The following INSR variants were observed in gnomAD, a reference collection of about 807,000 sequenced individuals.
The protein encoded by INSR is insulin receptor, also known as IR.
A neutral mutation model predicts 142.6 loss-of-function variants in INSR; 67 were observed. The ratio of observed to expected loss-of-function variants is 0.47; its 90% CI spans 0.39 to 0.58. INSR has a LOEUF of 0.58. Ranked by LOEUF, INSR falls within the 20% of genes least tolerant of loss-of-function variation. INSR has a pLI of 0.00. For synonymous variants in INSR, 756 were observed against 743.1 expected (o/e 1.02, Z -0.28); for missense variants, 1,248 against 1,833.2 (o/e 0.68, Z 5.83).
intron 2 of INSR, among the ~76,000 whole-genome samples, chr19:7,250,696 A>T (rs532239432): frequency 1.4e-5 from 2 of 140,554 alleles, no homozygotes; most frequent in East Asian, 4.6e-4. Flanking sequence ...AAAGAAAAAG[A>T]AAAAAAATCA....
intron 14 of INSR, among the ~76,000 whole-genome samples, chr19:7,130,461 G>A (rs1261446312): frequency 1.3e-5 from 2 of 152,224 alleles, no homozygotes; most frequent in African/African-American, 2.4e-5. Flanking sequence ...CCCAATGTTG[G>A]AGGAGTGGCC....
chr19:7,293,719 C>A, intron 1 of INSR, 73 bp downstream of exon 1: 1 of 1,213,034 alleles, frequency 8.2e-7, no homozygotes, highest in Non-Finnish European at 1.0e-6. Flanking sequence ...CAAGCGGGGG[C>A]TCGATTTTGG....
chr19:7,153,935 C>T (rs1051943331), intron 9 of INSR, among the ~76,000 whole-genome samples: 17 of 152,158 alleles, frequency 1.1e-4, no homozygotes, highest in Non-Finnish European at 2.4e-4. Flanking sequence ...CTGAGGTAGG[C>T]AGACCACCTG....
intron 2 of INSR, among the ~76,000 whole-genome samples, chr19:7,197,519 G>C (rs1260489894): frequency 1.6e-5 from 2 of 124,422 alleles, no homozygotes; most frequent in Admixed American, 1.5e-4. Flanking sequence ...GAGTGGGGGT[G>C]TGTGTGTGTG....
chr19:7,293,916 C>G lies in INSR; in HGVS notation c.-25G>C. 8.4e-7 allele frequency: 1 copy of G among 1,188,400 alleles called. No individual in the cohort carries two copies. 73.6% of individuals were successfully genotyped at this position (1,188,400 alleles called of 1,614,324 possible). A position where few individuals can be genotyped will look rare whatever the true frequency, so the allele number is the denominator to read the frequency against. ...TGGCTGCGGGAGCGCGGGGTCTCCTCGGATCAGAGCGCGCGGCGCTGGCCC... is the reference window on the plus strand; with the variant it reads ...TGGCTGCGGGAGCGCGGGGTCTCCTGGGATCAGAGCGCGCGGCGCTGGCCC... On this transcript the variant is annotated 5_prime_UTR_variant, in exon 1 of 22. Transcript: ENST00000302850.
At chr19:7,289,053 A>G (rs1169004148) in intron 1 of INSR, among the ~76,000 whole-genome samples, 2 of 152,002 alleles carry the variant, frequency 1.3e-5, no homozygotes, top group African/African-American at 4.8e-5. Flanking sequence ...AGGAGAAGAG[A>G]ACAGTAAAAC....
rs192988588 is a variant in INSR at position 7,286,051 on chromosome 19, C to G, written c.100+7741G>C. Among the ~76,000 whole-genome samples, 1,511 of 152,264 alleles carry G rather than the reference C, an allele frequency of 9.9e-3. 22 individuals carry two copies. Among genetic ancestry groups the G allele is most frequent in the African/African-American group, 0.034 (1,415 of 41,518 alleles). On this transcript the variant is annotated intron_variant, in intron 1 of 21. Coordinates refer to ENST00000302850, the MANE Select transcript of INSR (RefSeq NM_000208.4). ...GCTGGATGCAGTGGTGCAATCACAG[C>G]TCACTGGCGCCTCGACTTCCCAGGC...
At chr19:7,240,103 C>T (rs1255394059) in intron 2 of INSR, among the ~76,000 whole-genome samples, 6 of 152,080 alleles carry the variant, frequency 3.9e-5, no homozygotes, top group African/African-American at 1.4e-4. Context: ...GCTTTACGTG[C>T]AAAATACACA....
At chr19:7,204,851 C>T (rs146784817) in intron 2 of INSR, among the ~76,000 whole-genome samples, 3,106 of 152,260 alleles carry the variant, frequency 0.02, 103 homozygotes, top group African/African-American at 0.064. Context: ...GAGGCCGAGG[C>T]GGGCAGAGCA....
chr19:7,260,987 A>T (rs1324373048), intron 2 of INSR, among the ~76,000 whole-genome samples: 1 of 151,304 alleles, frequency 6.6e-6, no homozygotes, highest in African/African-American at 2.4e-5. Flanking sequence ...CCCGGGGCCC[A>T]TGCGATCCTC....
At chr19:7,243,491 C>T (rs1258611328) in intron 2 of INSR, among the ~76,000 whole-genome samples, 1 of 152,060 alleles carries the variant, frequency 6.6e-6, no homozygotes, top group Non-Finnish European at 1.5e-5. Flanking sequence ...AGTGATCTAC[C>T]TGCCTCAGCC....
chr19:7,255,935 C>T (rs577368377), intron 2 of INSR, among the ~76,000 whole-genome samples: 19 of 152,014 alleles, frequency 1.2e-4, no homozygotes, highest in Admixed American at 2.0e-4. Context: ...TCTGCCACTC[C>T]AATCTGGAAC....
intron 2 of INSR, among the ~76,000 whole-genome samples, chr19:7,220,528 A>T (rs1405223707): frequency 6.6e-6 from 1 of 152,086 alleles, no homozygotes. Context: ...ACCTCAGGTG[A>T]TCCTCCCGCC....
At chr19:7,278,596 C>A (rs1242046404) in intron 1 of INSR, among the ~76,000 whole-genome samples, 1 of 152,216 alleles carries the variant, frequency 6.6e-6, no homozygotes, top group African/African-American at 2.4e-5. Context: ...CAGTGGCTCA[C>A]GCCTGTAATC....
intron 3 of INSR, 70 bp downstream of exon 3, chr19:7,184,246 G>C: frequency 7.3e-7 from 1 of 1,364,896 alleles, no homozygotes; most frequent in Non-Finnish European, 1.0e-6. Context: ...TTTAACAAGC[G>C]GCATCGTCAC....
At chr19:7,179,870 T>C (rs773152210) in intron 3 of INSR, among the ~76,000 whole-genome samples, 3 of 152,144 alleles carry the variant, frequency 2.0e-5, no homozygotes, top group Admixed American at 1.3e-4. Flanking sequence ...GTGGAGTCTA[T>C]GTTCCCACCT....
At chr19:7,232,536 G>A (rs1482302030) in intron 2 of INSR, among the ~76,000 whole-genome samples, 4 of 152,106 alleles carry the variant, frequency 2.6e-5, no homozygotes, top group Non-Finnish European at 4.4e-5. Flanking sequence ...GTTGTTGGCC[G>A]GGCCCAGTGG....
rs139170995 is a variant in INSR at position 7,166,215 on chromosome 19, C to T, written c.1800G>A (p.Ser600=). 47 of 1,613,896 alleles carry T rather than the reference C, an allele frequency of 2.9e-5. No individual in the cohort carries two copies. Among genetic ancestry groups the T allele is most frequent in the African/African-American group, 4.0e-5 (3 of 74,876 alleles). ...AIFVKTLVTF[S]DERRTYGAKS... ...TGGCCCCATAGGTCCGGCGTTCATC[C>T]GAAAAGGTGACCAGGGTCTTCACAA... The change falls in exon 8 of 22, where the codon TCG becomes TCA. Residue 600 remains serine, a synonymous_variant. Transcript: ENST00000302850. This position sits in a 1 kb window ranked among gnomAD's most constrained non-coding sequence, Gnocchi z 4.1.
At chr19:7,203,932 G>A (rs1975034048) in intron 2 of INSR, among the ~76,000 whole-genome samples, 1 of 152,156 alleles carries the variant, frequency 6.6e-6, no homozygotes, top group South Asian at 2.1e-4. Context: ...ACCCAGGCTG[G>A]AGTGCAGTGG....
Sources: gnomAD v4.1 joint callset for allele counts (sites outside exome capture counted in the v4.1 genomes callset) on GRCh38, gnomAD v4.1.1 for gene constraint, Gnocchi (gnomAD v3.1) non-coding constraint, MANE v1.5 for transcripts, NCBI Gene and HGNC (gene_info 2026-07-23, HGNC 2026-07-21) for gene names.